Variants in FSHR observed in about 807,000 individuals in gnomAD.
The protein encoded by FSHR is follicle-stimulating hormone receptor.
Under a neutral mutation model 52.1 loss-of-function variants are expected in FSHR, and 46 were observed. The ratio of observed to expected loss-of-function variants is 0.88; its 90% CI spans 0.70 to 1.13. FSHR has a LOEUF of 1.13. Ranked by LOEUF, FSHR falls within the 50% of genes most tolerant of loss-of-function variation. FSHR has a pLI of 0.00. For synonymous variants in FSHR, 399 were observed against 309.6 expected, an observed-to-expected ratio of 1.29 and a Z score of -3.03; for missense variants, 964 against 834.6, an observed-to-expected ratio of 1.16 and a Z score of -1.91.
chr2:48,963,919 A>G lies in FSHR; in HGVS notation c.902T>C (p.Val301Ala). ...ACCCCTAGCCTGAGTCATATAATCAACTTCTTGCCTTAAAATAGATTTGTT... is the reference window on the plus strand; with the variant it reads ...ACCCCTAGCCTGAGTCATATAATCAGCTTCTTGCCTTAAAATAGATTTGTT... Reference protein sequence around the residue: ...ICNKSILRQEVDYMTQARGQR... With the variant: ...ICNKSILRQEADYMTQARGQR... The change falls in exon 10 of 10, where the codon GTT becomes GCT. Residue 301 changes from valine (V) to alanine (A), a missense_variant. Transcript: ENST00000406846. The G allele has an allele frequency of 1.2e-6, 2 of 1,613,884 alleles. No individual in the cohort carries two copies. The highest frequency in any genetic ancestry group is 1.7e-6 in the Non-Finnish European group (2 of 1,179,904).
chr2:49,021,044 A>T (rs1441945536), intron 2 of FSHR, among the ~76,000 whole-genome samples: 1 of 152,156 alleles, frequency 6.6e-6, no homozygotes, highest in African/African-American at 2.4e-5. Context: ...CATGACACAC[A>T]TTTACCTATT....
chr2:49,080,091 TA>T (rs1010319921), intron 1 of FSHR, among the ~76,000 whole-genome samples: 1 of 151,850 alleles, frequency 6.6e-6, no homozygotes, highest in Non-Finnish European at 1.5e-5. Context: ...AATAAACATG[TA>T]AAAAAAAGAA....
chr2:49,117,023 C>G (rs1438845343), intron 1 of FSHR, among the ~76,000 whole-genome samples: 1 of 152,166 alleles, frequency 6.6e-6, no homozygotes, highest in African/African-American at 2.4e-5. Context: ...TCTTTGCCTA[C>G]CATTGTGTAA....
At chr2:49,062,336 T>G (rs1037956857) in intron 2 of FSHR, among the ~76,000 whole-genome samples, 1 of 151,986 alleles carries the variant, frequency 6.6e-6, no homozygotes, top group Non-Finnish European at 1.5e-5. Context: ...CTTCAATGAG[T>G]TGTGCTGGGA....
chr2:48,974,033 G>A (rs1227100417), intron 8 of FSHR, among the ~76,000 whole-genome samples: 1 of 152,160 alleles, frequency 6.6e-6, no homozygotes, highest in Admixed American at 6.5e-5. Flanking sequence ...ACTCAGCATT[G>A]TAATAAAAAT....
At chr2:49,098,238 AC>A (rs1670897868) in intron 1 of FSHR, among the ~76,000 whole-genome samples, 1 of 152,148 alleles carries the variant, frequency 6.6e-6, no homozygotes, top group South Asian at 2.1e-4. Context: ...ACAAAGAAAA[AC>A]AAGCTGTATT....
intron 1 of FSHR, among the ~76,000 whole-genome samples, chr2:49,146,011 T>C (rs1354097348): frequency 6.6e-6 from 1 of 151,834 alleles, no homozygotes; most frequent in South Asian, 2.1e-4. Flanking sequence ...AGAGATGAGA[T>C]AGAAGAGTTA....
At chr2:48,967,669 A>G (rs764721877) in intron 9 of FSHR, among the ~76,000 whole-genome samples, 11 of 152,204 alleles carry the variant, frequency 7.2e-5, no homozygotes, top group Non-Finnish European at 1.5e-4. Flanking sequence ...ATCCTCCAAA[A>G]GGGTCTGAGT....
At chr2:49,091,617 CAT>C (rs1670614686) in intron 1 of FSHR, among the ~76,000 whole-genome samples, 1 of 152,120 alleles carries the variant, frequency 6.6e-6, no homozygotes, top group South Asian at 2.1e-4. Flanking sequence ...TTTTTAAAAA[CAT>C]ATGCTCCAGT....
chr2:49,146,978 T>C (rs1423098557), intron 1 of FSHR, among the ~76,000 whole-genome samples: 1 of 151,990 alleles, frequency 6.6e-6, no homozygotes, highest in African/African-American at 2.4e-5. Flanking sequence ...GTCTGAGAGA[T>C]GAGATGCAAA....
chr2:49,127,808 CTTCTTCTTCTTCT>C, intron 1 of FSHR, among the ~76,000 whole-genome samples: 1 of 57,664 alleles, frequency 1.7e-5, no homozygotes, highest in Admixed American at 2.9e-4. Flanking sequence ...TCTTCTTCTT[CTTCTTCTTCTTCT>C]TCTTCTTCCT....
intron 2 of FSHR, among the ~76,000 whole-genome samples, chr2:49,038,630 AAT>A (rs1488257359): frequency 0.077 from 3,673 of 47,934 alleles, 332 homozygotes; most frequent in African/African-American, 0.1. Context: ...GTCTCAAAAT[AAT>A]AATAATAATA....
intron 1 of FSHR, among the ~76,000 whole-genome samples, chr2:49,151,003 T>C (rs2103861540): frequency 6.6e-6 from 1 of 152,264 alleles, no homozygotes; most frequent in Non-Finnish European, 1.5e-5. Context: ...TAAATAAAGT[T>C]TTCTTGGAAC....
intron 3 of FSHR, among the ~76,000 whole-genome samples, chr2:49,018,186 T>C (rs1044528426): frequency 6.6e-6 from 1 of 152,156 alleles, no homozygotes; most frequent in South Asian, 2.1e-4. Flanking sequence ...GGCCATTGAT[T>C]CCCTTTATGC....
chr2:49,057,531 T>A (rs1321024262), intron 2 of FSHR, among the ~76,000 whole-genome samples: 2 of 152,024 alleles, frequency 1.3e-5, no homozygotes, highest in East Asian at 1.9e-4. Flanking sequence ...TTTGAACAGG[T>A]AATTGAAAAT....
At chr2:49,130,034 G>A (rs750274744) in intron 1 of FSHR, among the ~76,000 whole-genome samples, 2 of 152,010 alleles carry the variant, frequency 1.3e-5, no homozygotes, top group Non-Finnish European at 2.9e-5. Flanking sequence ...TTTCTCAAAG[G>A]ACTGTGACGT....
intron 2 of FSHR, among the ~76,000 whole-genome samples, chr2:49,063,307 CT>C (rs1237644552): frequency 6.6e-6 from 1 of 152,064 alleles, no homozygotes; most frequent in Non-Finnish European, 1.5e-5. Flanking sequence ...CAAAGGAAAT[CT>C]TCATCAGTGC....
chr2:48,971,312 G>A (rs1269833194), intron 8 of FSHR, among the ~76,000 whole-genome samples: 2 of 152,170 alleles, frequency 1.3e-5, no homozygotes, highest in East Asian at 1.9e-4. Context: ...AGGTAAAAGT[G>A]CAAATCTCAT....
chr2:48,967,017 C>T (rs181800042), intron 9 of FSHR, among the ~76,000 whole-genome samples: 56 of 152,278 alleles, frequency 3.7e-4, no homozygotes, highest in African/African-American at 1.2e-3. Flanking sequence ...CTGAGTAACA[C>T]GATGAGACAA....
Sources: allele counts gnomAD v4.1 joint callset (sites outside exome capture counted in the v4.1 genomes callset), GRCh38; gene constraint gnomAD v4.1.1; transcripts MANE v1.5; gene names NCBI Gene and HGNC (gene_info 2026-07-23, HGNC 2026-07-21).